CAST: variants seen among roughly 807,000 people sequenced by gnomAD.
CAST encodes the protein calpastatin, also known as MIR583 host.
In CAST, 76 loss-of-function variants were observed where a neutral mutation model predicts 119.6. The ratio of observed to expected loss-of-function variants is 0.64; its 90% CI spans 0.53 to 0.77. The LOEUF is 0.77. Ranked by LOEUF, CAST falls within the 30% of genes least tolerant of loss-of-function variation. The probability of loss-of-function intolerance (pLI) is 0.00; values close to 1 mark genes in which losing one functional copy is unlikely to be tolerated. For missense variants in CAST, 953 were observed against 946.5 expected (o/e 1.01, Z -0.09); for synonymous variants, 319 against 331.6 (o/e 0.96, Z 0.41).
chr5:96,456,807 G>A, the CAST span, among the ~76,000 whole-genome samples: 1 of 152,184 alleles, frequency 6.6e-6, no homozygotes, highest in Non-Finnish European at 1.5e-5. Flanking sequence ...GAGGGACCAG[G>A]TGGAGATAAC....
At position 96,763,169 on chromosome 5, in the gene CAST, TA is replaced by T. The variant is rs778115974; in HGVS notation, c.1932+798del. ...GTTTGATGTAGCATCAAAGCATATTTAGTGCTGTAGTCTGAGATTCTGATGG... is the reference window on the plus strand; with the variant it reads ...GTTTGATGTAGCATCAAAGCATATTTGTGCTGTAGTCTGAGATTCTGATGG... On this transcript the variant is annotated intron_variant, in intron 25 of 31. Coordinates refer to ENST00000675179, the MANE Select transcript of CAST (RefSeq NM_001750.7). 13 of 780,650 alleles carry T rather than the reference TA, an allele frequency of 1.7e-5. No individual in the cohort carries two copies. The African/African-American group carries it at 2.0e-4, about 12-fold the overall frequency. The allele number at this position is 780,650 out of a possible 1,614,324, so 48.4% of individuals were successfully genotyped here. A position where few individuals can be genotyped will look rare whatever the true frequency, so the allele number is the denominator to read the frequency against.
At chr5:96,220,557 T>A in the CAST span, among the ~76,000 whole-genome samples, 1 of 152,238 alleles carries the variant, frequency 6.6e-6, no homozygotes, top group Non-Finnish European at 1.5e-5. Context: ...CCTAAAATTA[T>A]ACTTGGTTAG....
chr5:96,673,335 A>G (rs1285127221), intron 1 of CAST, among the ~76,000 whole-genome samples: 1 of 152,238 alleles, frequency 6.6e-6, no homozygotes, highest in Non-Finnish European at 1.5e-5. Context: ...GCAAAGGATG[A>G]TTTATGAATT....
chr5:96,621,291 G>A (rs1434954830), intron 1 of CAST, among the ~76,000 whole-genome samples: 4 of 152,188 alleles, frequency 2.6e-5, no homozygotes, highest in African/African-American at 9.7e-5. Context: ...GCCCATGTGA[G>A]CAAATATAAA....
At chr5:96,672,519 C>T (rs1451572428) in intron 1 of CAST, among the ~76,000 whole-genome samples, 1 of 151,916 alleles carries the variant, frequency 6.6e-6, no homozygotes, top group Non-Finnish European at 1.5e-5. Context: ...CCAGCCTGAT[C>T]AACATGTCAA....
chr5:96,156,203 T>A, the CAST span, among the ~76,000 whole-genome samples: 20 of 152,248 alleles, frequency 1.3e-4, no homozygotes, highest in Admixed American at 5.9e-4. Context: ...ATTCATTTAA[T>A]TAGGGCAACA....
chr5:96,362,673 A>G, the CAST span, among the ~76,000 whole-genome samples: 39 of 151,898 alleles, frequency 2.6e-4, no homozygotes, highest in Non-Finnish European at 4.7e-4. Flanking sequence ...CCACTTTTTG[A>G]TGGGGTTGTT....
intron 1 of CAST, among the ~76,000 whole-genome samples, chr5:96,573,141 T>G (rs1746601637): frequency 6.6e-6 from 1 of 152,170 alleles, no homozygotes; most frequent in African/African-American, 2.4e-5. Context: ...CCTTTTATGG[T>G]TTATGTTCTT....
At chr5:96,610,342 C>T (rs1200690807) in intron 1 of CAST, among the ~76,000 whole-genome samples, 1 of 151,958 alleles carries the variant, frequency 6.6e-6, no homozygotes, top group East Asian at 1.9e-4. Flanking sequence ...GTCTTCATAG[C>T]AGTGCAAGAA....
chr5:96,772,298 T>C (rs936617789), intron 31 of CAST: 2 of 153,614 alleles, frequency 1.3e-5, no homozygotes, highest in African/African-American at 4.8e-5. Context: ...GGCCCTTATC[T>C]TAATCTTCAG....
At chr5:96,543,863 G>A (rs1333206876) in intron 1 of CAST, among the ~76,000 whole-genome samples, 1 of 152,110 alleles carries the variant, frequency 6.6e-6, no homozygotes, top group East Asian at 1.9e-4. Context: ...AGGATCAGTT[G>A]GTTATATTTG....
chr5:96,433,214 G>T, the CAST span: 1 of 672,816 alleles, frequency 1.5e-6, no homozygotes, highest in Non-Finnish European at 2.7e-6. Flanking sequence ...GCGGCGGCGA[G>T]CGCTCAGTGA....
At chr5:96,147,992 C>T in the CAST span, among the ~76,000 whole-genome samples, 1 of 152,214 alleles carries the variant, frequency 6.6e-6, no homozygotes, top group Non-Finnish European at 1.5e-5. Flanking sequence ...AAGTTTGGTT[C>T]AATTTCATCA....
At chr5:96,195,179 A>C in the CAST span, among the ~76,000 whole-genome samples, 3 of 152,234 alleles carry the variant, frequency 2.0e-5, no homozygotes, top group Admixed American at 2.0e-4. Flanking sequence ...TTTCCAATAA[A>C]GGTTAACAAA....
At chr5:96,638,946 C>T (rs554236992) in intron 1 of CAST, among the ~76,000 whole-genome samples, 5 of 152,200 alleles carry the variant, frequency 3.3e-5, no homozygotes, top group Non-Finnish European at 5.9e-5. Flanking sequence ...GAGAGACAGC[C>T]TGCCTCAGAG....
At chr5:96,708,186 T>A (rs1045669924) in intron 3 of CAST, among the ~76,000 whole-genome samples, 4 of 152,230 alleles carry the variant, frequency 2.6e-5, no homozygotes, top group African/African-American at 9.6e-5. Context: ...ACATGCGTTA[T>A]TTTATAGCAT....
At chr5:96,087,066 G>A in the CAST span, among the ~76,000 whole-genome samples, 1 of 152,156 alleles carries the variant, frequency 6.6e-6, no homozygotes, top group Non-Finnish European at 1.5e-5. Flanking sequence ...ATAGATCCTA[G>A]GTTACCCAGA....
At chr5:96,497,829 G>T in the CAST span, among the ~76,000 whole-genome samples, 1 of 152,158 alleles carries the variant, frequency 6.6e-6, no homozygotes, top group Non-Finnish European at 1.5e-5. Context: ...CACTCTGATG[G>T]TAGTTTCTTT....
the CAST span, among the ~76,000 whole-genome samples, chr5:96,325,857 A>T: frequency 1.7e-4 from 26 of 152,362 alleles, no homozygotes; most frequent in African/African-American, 6.3e-4. Flanking sequence ...ACAAATGGGT[A>T]GATGGCACCA....
Sources: allele counts gnomAD v4.1 joint callset (sites outside exome capture counted in the v4.1 genomes callset), GRCh38; gene constraint gnomAD v4.1.1; transcripts MANE v1.5; gene names NCBI Gene and HGNC (gene_info 2026-07-23, HGNC 2026-07-21).